Variants in CDH23 observed in about 807,000 individuals in gnomAD.
CDH23 encodes cadherin-23.
Under a neutral mutation model 317.1 loss-of-function variants are expected in CDH23, and 189 were observed. The observed-to-expected ratio is 0.60, with a 90% CI of 0.53 to 0.67. The LOEUF (loss-of-function observed/expected upper bound fraction) is 0.67, where lower values mean the gene tolerates loss of function less well. Ranked by LOEUF, CDH23 falls within the 30% of genes least tolerant of loss-of-function variation. CDH23 has a pLI of 0.00. For synonymous variants in CDH23, 1,839 were observed against 1,876.8 expected (o/e 0.98, Z 0.52); for missense variants, 4,401 against 4,592.4 (o/e 0.96, Z 1.20).
At chr10:71,408,351 A>ATG (rs1349663982) in intron 1 of CDH23, among the ~76,000 whole-genome samples, 2 of 151,970 alleles carry the variant, frequency 1.3e-5, no homozygotes, top group African/African-American at 2.4e-5. Context: ...TCAATTCAGG[A>ATG]TGTGTGTGTG....
chr10:71,577,957 G>A lies in CDH23; in HGVS notation c.797G>A (p.Gly266Glu), dbSNP rs1319807580. ...RIITAIDQDKGRPRGIGYTIV... is the reference protein window; with the variant it reads ...RIITAIDQDKERPRGIGYTIV... The stretch of plus-strand genomic sequence containing the variant: ...ATCACCGCCATAGACCAGGATAAAG[G>A]ACGTCCCCGGGGCATTGGCTACACC... Residue 266 changes from glycine (G) to glutamate (E), a missense_variant, in exon 9 of 70, where the codon GGA becomes GAA. By Grantham distance (98) the Gly-to-Glu change is moderately conservative. Around this residue, in one of 3 missense-constraint regions of CDH23, gnomAD observed 3,068 missense variants for 3,203.3 expected, o/e 0.96. Coordinates refer to ENST00000224721, the MANE Select transcript of CDH23 (RefSeq NM_022124.6). 1.2e-6 allele frequency: 2 copies of A among 1,605,370 alleles called. No homozygotes were observed. The highest frequency in any genetic ancestry group is 1.7e-6 in the Non-Finnish European group (2 of 1,176,074).
rs1416386069 is a variant in CDH23, at chr10:71,734,238, A to T, written c.4105-2A>T. The T allele has an allele frequency of 2.5e-6, 4 of 1,607,006 alleles. No homozygotes were observed. The highest frequency in any genetic ancestry group is 3.4e-6 in the Non-Finnish European group (4 of 1,176,846). ...CTCACCCATCTGGCCCCTTCCCTGC[A>T]GGGTGTGATCACAGTCCAGGGCCTG... is the stretch of plus-strand genomic sequence containing the variant. On this transcript the variant is annotated splice_acceptor_variant, in intron 32 of 69. Coordinates refer to ENST00000224721, the MANE Select transcript of CDH23 (RefSeq NM_022124.6). LOFTEE classifies it high-confidence loss of function.
At chr10:71,437,542 A>G (rs933245801) in intron 1 of CDH23, among the ~76,000 whole-genome samples, 7 of 152,358 alleles carry the variant, frequency 4.6e-5, no homozygotes, top group Non-Finnish European at 7.3e-5. Context: ...GGGTAACTCC[A>G]TTATTCTCAA....
chr10:71,557,414 T>C (rs1458906847), intron 6 of CDH23, among the ~76,000 whole-genome samples: 1 of 152,180 alleles, frequency 6.6e-6, no homozygotes, highest in Non-Finnish European at 1.5e-5. Context: ...CTCTGACTTG[T>C]GTGGTGTTCT....
intron 14 of CDH23, among the ~76,000 whole-genome samples, chr10:71,657,300 T>C (rs908786069): frequency 7.2e-5 from 11 of 152,022 alleles, no homozygotes; most frequent in African/African-American, 2.7e-4. Context: ...ATGGGAAGAG[T>C]AATTCCTATC....
At chr10:71,698,622 G>A (rs747276022) in intron 22 of CDH23, among the ~76,000 whole-genome samples, 87 of 151,436 alleles carry the variant, frequency 5.7e-4, no homozygotes, top group Non-Finnish European at 1.0e-3. Flanking sequence ...GCCTTTGCAC[G>A]AGCCCTTTCC....
intron 51 of CDH23, 24 bp downstream of exon 51, chr10:71,799,304 G>C: frequency 6.2e-7 from 1 of 1,613,986 alleles, no homozygotes; most frequent in Non-Finnish European, 8.5e-7. Flanking sequence ...CCACAGGCTG[G>C]GTCCAGGACC....
chr10:71,697,336 T>C (rs1204061379), intron 22 of CDH23, among the ~76,000 whole-genome samples: 4 of 152,190 alleles, frequency 2.6e-5, no homozygotes, highest in Non-Finnish European at 5.9e-5. Context: ...GAATGCCTAC[T>C]GCATGCCAGG....
intron 2 of CDH23, among the ~76,000 whole-genome samples, chr10:71,444,626 C>T (rs1019079344): frequency 2.0e-5 from 3 of 152,252 alleles, no homozygotes; most frequent in African/African-American, 7.2e-5. Flanking sequence ...ATCAGCTTGG[C>T]TGCCTGAGCA....
chr10:71,773,661 C>G (rs1474739408), intron 38 of CDH23, among the ~76,000 whole-genome samples: 2 of 152,164 alleles, frequency 1.3e-5, no homozygotes, highest in Non-Finnish European at 2.9e-5. Context: ...GGAGGCCGGC[C>G]CCGTGGGTGG....
chr10:71,479,698 A>G (rs1461998164), intron 3 of CDH23, among the ~76,000 whole-genome samples: 1 of 152,048 alleles, frequency 6.6e-6, no homozygotes, highest in Non-Finnish European at 1.5e-5. Flanking sequence ...CCAGGAAGTT[A>G]GAGAGCAGGG....
intron 9 of CDH23, among the ~76,000 whole-genome samples, chr10:71,611,383 G>A (rs1860880692): frequency 6.6e-6 from 1 of 152,172 alleles, no homozygotes; most frequent in African/African-American, 2.4e-5. Flanking sequence ...CTAGCTCTCT[G>A]TGGCGAGGCT....
intron 11 of CDH23, among the ~76,000 whole-genome samples, chr10:71,634,818 G>A (rs1440997954): frequency 2.6e-5 from 4 of 152,272 alleles, no homozygotes; most frequent in South Asian, 2.1e-4. Context: ...GGAAAGGACC[G>A]TGTGTCCCCC....
chr10:71,749,643 C>G (rs570890776), intron 38 of CDH23: 1 of 152,492 alleles, frequency 6.6e-6, no homozygotes, highest in East Asian at 1.9e-4. Flanking sequence ...CCTCAAAGCC[C>G]CTGGCCCAGC....
intron 6 of CDH23, among the ~76,000 whole-genome samples, chr10:71,540,553 C>G (rs548105479): frequency 2.0e-5 from 3 of 152,186 alleles, no homozygotes; most frequent in East Asian, 3.9e-4. Context: ...CCCAGGAAGA[C>G]CCCCTGCTTA....
chr10:71,762,141 G>A, intron 38 of CDH23: 1 of 1,233,990 alleles, frequency 8.1e-7, no homozygotes, highest in African/African-American at 1.5e-5. Flanking sequence ...CCAGGGGCAT[G>A]TCAGCTGACC....
chr10:71,482,422 T>C (rs1852116785), intron 3 of CDH23, among the ~76,000 whole-genome samples: 1 of 152,322 alleles, frequency 6.6e-6, no homozygotes, highest in African/African-American at 2.4e-5. Flanking sequence ...CCTCTCTATC[T>C]TCTTCTTCTT....
chr10:71,741,137 T>C (rs1289132230), intron 37 of CDH23, among the ~76,000 whole-genome samples, 187 bp downstream of exon 37: 1 of 152,200 alleles, frequency 6.6e-6, no homozygotes. Flanking sequence ...CAGTATCTTT[T>C]TGGAGTAGAG....
At chr10:71,589,254 G>A (rs1285451925) in intron 9 of CDH23, among the ~76,000 whole-genome samples, 1 of 152,044 alleles carries the variant, frequency 6.6e-6, no homozygotes, top group East Asian at 1.9e-4. Context: ...CAAGTAGTTG[G>A]GACTACAGGC....
Sources: gnomAD v4.1 joint callset for allele counts (sites outside exome capture counted in the v4.1 genomes callset) on GRCh38, gnomAD v4.1.1 for gene constraint, gnomAD v4.1.1 regional missense constraint, MANE v1.5 for transcripts, NCBI Gene and HGNC (gene_info 2026-07-23, HGNC 2026-07-21) for gene names.